Variants in RASA3 observed in about 807,000 individuals in gnomAD.
The protein encoded by RASA3 is RAS p21 protein activator 3.
In RASA3, 73 loss-of-function variants were observed where a neutral mutation model predicts 110.0. The observed-to-expected ratio is 0.66, with a 90% CI of 0.55 to 0.81. The LOEUF is 0.81. RASA3 is among the 30% of genes least tolerant of loss of function. The pLI is 0.00. For synonymous variants in RASA3, 500 were observed against 451.4 expected (o/e 1.11, Z -1.37); for missense variants, 976 against 1,113.2 (o/e 0.88, Z 1.75).
chr13:114,009,575 G>A (rs1372643882), intron 16 of RASA3, 111 bp from the exon 17 acceptor site: 15 of 749,670 alleles, frequency 2.0e-5, no homozygotes, highest in Middle Eastern at 2.5e-4. Flanking sequence ...CGATAAACAG[G>A]CAAAGAACCC....
intron 1 of RASA3, among the ~76,000 whole-genome samples, chr13:114,110,586 C>T (rs936187193): frequency 3.9e-5 from 6 of 152,210 alleles, no homozygotes; most frequent in African/African-American, 1.4e-4. Context: ...TGTGGCCCAG[C>T]GTGAGCCGGC....
In RASA3 at chr13:113,999,567, TG is replaced by T. The variant is rs1566458971; in HGVS notation, c.1932+17del. The T allele has an allele frequency of 6.2e-7, 1 of 1,610,754 alleles. No homozygotes were observed. The highest frequency in any genetic ancestry group is 1.7e-5 in the Admixed American group (1 of 59,938). ...CAGGCCTCAACCCGAAAGAGAGGCTTGGGGGCCCCACACTCACGTTTTTCAT... is the reference window on the plus strand; with the variant it reads ...CAGGCCTCAACCCGAAAGAGAGGCTTGGGGCCCCACACTCACGTTTTTCAT... On this transcript the variant is annotated intron_variant, in intron 20 of 23. Coordinates refer to ENST00000334062, the MANE Select transcript of RASA3 (RefSeq NM_007368.4).
chr13:113,981,168 G>A lies in RASA3; in HGVS notation c.2429+507C>T, dbSNP rs541653572. Among the ~76,000 whole-genome samples the A allele has an allele frequency of 2.6e-5, 4 of 152,334 alleles. No homozygotes were observed. In the South Asian group the frequency reaches 6.2e-4, roughly 24 times the overall value. On this transcript the variant is annotated intron_variant, in intron 23 of 23. Transcript: ENST00000334062. ...TACAACCCTCTGTTCCATGGAGTGA[G>A]GGGGAGTGGAGCTTAGCTAAGCGCC...
chr13:113,994,786 C>T (rs933198610), intron 21 of RASA3, among the ~76,000 whole-genome samples: 7 of 152,146 alleles, frequency 4.6e-5, no homozygotes, highest in East Asian at 3.8e-4. Flanking sequence ...GTCTGGGCAA[C>T]GTGGTGAAAC....
At chr13:114,027,960 G>C (rs377235589) in intron 5 of RASA3, 33 bp from the exon 6 acceptor site, 9 of 1,575,054 alleles carry the variant, frequency 5.7e-6, no homozygotes, top group Non-Finnish European at 7.9e-6. Context: ...CGTCAGGAGG[G>C]AGCGCAGACA....
chr13:114,076,177 A>G (rs2079678692), intron 1 of RASA3, among the ~76,000 whole-genome samples: 1 of 152,236 alleles, frequency 6.6e-6, no homozygotes, highest in Non-Finnish European at 1.5e-5. Flanking sequence ...GAGACACAGC[A>G]GCTCTCGAAG....
chr13:114,070,320 C>G (rs930758803), intron 2 of RASA3, among the ~76,000 whole-genome samples: 84 of 151,908 alleles, frequency 5.5e-4, no homozygotes, highest in African/African-American at 1.9e-3. Flanking sequence ...CTAAACTCCC[C>G]AGCATGTGGG....
intron 19 of RASA3, among the ~76,000 whole-genome samples, chr13:114,000,097 TC>T (rs567858241): frequency 1.0e-4 from 10 of 95,994 alleles, no homozygotes; most frequent in African/African-American, 4.2e-4. Context: ...TGCTGGGCGG[TC>T]TCTGTTGGGG....
rs181136993 is a variant in RASA3 at position 114,077,229 on chromosome 13, G to A, written c.56-3392C>T. Among the ~76,000 whole-genome samples, 25 of 152,292 alleles carry A rather than the reference G, an allele frequency of 1.6e-4. 1 individual carries two copies. In the East Asian group the frequency reaches 4.4e-3, roughly 27 times the overall value. On this transcript the variant is annotated intron_variant, in intron 1 of 23. Transcript: ENST00000334062. Reference sequence around the variant, plus strand: ...TCTGTGGAGTCCCTGTAAGACAGACGCCGTACGACATGAAAAGGCCGGATC... The same window carrying A: ...TCTGTGGAGTCCCTGTAAGACAGACACCGTACGACATGAAAAGGCCGGATC...
intron 2 of RASA3, among the ~76,000 whole-genome samples, chr13:114,067,881 C>G (rs2079480551): frequency 1.3e-5 from 2 of 152,220 alleles, no homozygotes; most frequent in South Asian, 4.1e-4. Flanking sequence ...CTTGTAACTT[C>G]TAATTGTACA....
chr13:114,014,884 C>T lies in RASA3; in HGVS notation c.1405+325G>A, dbSNP rs915635192. ...GACAAAGCCTGGCCACCCTTCCCGGCCCCCCCAGAGACCACTGTGGTCGTG... is the reference window on the plus strand; with the variant it reads ...GACAAAGCCTGGCCACCCTTCCCGGTCCCCCCAGAGACCACTGTGGTCGTG... On this transcript the variant is annotated intron_variant, in intron 14 of 23. Coordinates refer to ENST00000334062, the MANE Select transcript of RASA3 (RefSeq NM_007368.4). This position sits in a 1 kb window ranked among gnomAD's most constrained non-coding sequence, Gnocchi z 4.5. 6.7e-6 allele frequency among the ~76,000 whole-genome samples: 1 copy of T among 149,478 alleles called. No homozygotes were observed. The highest frequency in any genetic ancestry group is 1.5e-5 in the Non-Finnish European group (1 of 67,944).
intron 18 of RASA3, among the ~76,000 whole-genome samples, chr13:114,005,039 G>A (rs1000223530): frequency 6.6e-6 from 1 of 152,220 alleles, no homozygotes; most frequent in African/African-American, 2.4e-5. Flanking sequence ...AACGCCCCAT[G>A]TTCTCACTGG....
At chr13:114,128,697 A>G (rs2080480859) in intron 1 of RASA3, among the ~76,000 whole-genome samples, 1 of 152,224 alleles carries the variant, frequency 6.6e-6, no homozygotes, top group Non-Finnish European at 1.5e-5. Context: ...GGTCTTCTTC[A>G]CGGACAAGCT....
intron 2 of RASA3, among the ~76,000 whole-genome samples, chr13:114,071,641 A>G (rs2079573833): frequency 6.6e-6 from 1 of 152,160 alleles, no homozygotes; most frequent in African/African-American, 2.4e-5. Context: ...GCGCCTGACA[A>G]TGCCCCTCAG....
chr13:114,040,143 C>A (rs192115442), intron 4 of RASA3, among the ~76,000 whole-genome samples: 1 of 152,370 alleles, frequency 6.6e-6, no homozygotes, highest in East Asian at 1.9e-4. Flanking sequence ...CAAAGGGCGG[C>A]AGTAGGCAAA....
Position 114,024,948 on chromosome 13 carries a change from G to A in RASA3, c.604-593C>T, listed in dbSNP as rs926680424. Reference sequence around the variant, plus strand: ...AAACGGAGTGAAGGCGTGAAGGGTCGAGGCTCCGGGACCGCCCCCCGCCAG... The same window carrying A: ...AAACGGAGTGAAGGCGTGAAGGGTCAAGGCTCCGGGACCGCCCCCCGCCAG... On this transcript the variant is annotated intron_variant, in intron 7 of 23. Transcript: ENST00000334062. Among the ~76,000 whole-genome samples, 5 of 152,176 alleles carry A rather than the reference G, an allele frequency of 3.3e-5. No homozygotes were observed. The South Asian group carries it at 8.3e-4, about 25-fold the overall frequency.
At chr13:114,105,309 G>A (rs1237778945) in intron 1 of RASA3, among the ~76,000 whole-genome samples, 1 of 152,058 alleles carries the variant, frequency 6.6e-6, no homozygotes, top group African/African-American at 2.4e-5. Flanking sequence ...CATGGACCCT[G>A]CACTGAGGGG....
chr13:114,127,143 C>T (rs187708977), intron 1 of RASA3, among the ~76,000 whole-genome samples: 106 of 152,362 alleles, frequency 7.0e-4, no homozygotes, highest in Non-Finnish European at 1.4e-3. Context: ...AGGGAGACGC[C>T]GCTCATCCAC....
At chr13:114,089,147 C>G (rs1416364122) in intron 1 of RASA3, among the ~76,000 whole-genome samples, 1 of 151,606 alleles carries the variant, frequency 6.6e-6, no homozygotes, top group Non-Finnish European at 1.5e-5. Flanking sequence ...GCTGCACTTT[C>G]TGCTACTTGC....
Sources: allele counts gnomAD v4.1 joint callset (sites outside exome capture counted in the v4.1 genomes callset), GRCh38; gene constraint gnomAD v4.1.1; non-coding constraint Gnocchi (gnomAD v3.1); transcripts MANE v1.5; gene names NCBI Gene and HGNC (gene_info 2026-07-23, HGNC 2026-07-21).